NTN5: variants seen among roughly 807,000 people sequenced by gnomAD.
The protein encoded by NTN5 is netrin 5, also known as netrin-5.
In NTN5, 42 loss-of-function variants were observed where a neutral mutation model predicts 38.7. The observed-to-expected ratio is 1.08, with a 90% CI of 0.85 to 1.40. The LOEUF is 1.40. NTN5 is among the 40% of genes most tolerant of loss of function. NTN5 has a pLI of 0.00. For synonymous variants in NTN5, 329 were observed against 303.9 expected (o/e 1.08, Z -0.86); for missense variants, 658 against 716.5 (o/e 0.92, Z 0.93).
At chr19:48,662,304 C>T (rs1183534821) in intron 6 of NTN5, among the ~76,000 whole-genome samples, 1 of 149,240 alleles carries the variant, frequency 6.7e-6, no homozygotes, top group Non-Finnish European at 1.5e-5. Flanking sequence ...GGTCCAGGGT[C>T]TCTAATGCAG....
Position 48,662,027 on chromosome 19 carries a change from C to G in NTN5, c.1120G>C (p.Val374Leu), listed in dbSNP as rs1340258179. 1.3e-6 allele frequency: 2 copies of G among 1,482,284 alleles called. No homozygotes were observed. The highest frequency in any genetic ancestry group is 5.8e-5 in the East Asian group (2 of 34,764). The allele number at this position is 1,482,284 out of a possible 1,614,324, so 91.8% of individuals were successfully genotyped here. A position where few individuals can be genotyped will look rare whatever the true frequency, so the allele number is the denominator to read the frequency against. ...CQQDHVLRAQ[V>L]LASEAAGPAW... ...GGGCCCGCCGCCTCGGACGCTAGCACCTGCGCGCGGAGAACTGTGGGGAGG... is the reference window on the plus strand; with the variant it reads ...GGGCCCGCCGCCTCGGACGCTAGCAGCTGCGCGCGGAGAACTGTGGGGAGG... Residue 374 changes from valine (V) to leucine (L), a missense_variant, in exon 7 of 7, where the codon GTG (valine) becomes CTG (leucine). Transcript: ENST00000270235.
At position 48,670,697 on chromosome 19, in the gene NTN5, G is replaced by A; in HGVS notation, c.290C>T (p.Ala97Val). 3.1e-6 allele frequency: 5 copies of A among 1,611,476 alleles called. No individual in the cohort carries two copies. The highest frequency in any genetic ancestry group is 4.2e-6 in the Non-Finnish European group (5 of 1,179,324). ...CAGCAGCCTCCAGGGACCCCCTGAG[G>A]CCCAGGCAGCAGACAGGATGAGGGC... Reference protein sequence around the residue: ...PPALILSAAWASGGPWRLLWH... With the variant: ...PPALILSAAWVSGGPWRLLWH... Residue 97 changes from alanine to valine, a missense_variant, in exon 2 of 7, where the codon GCC becomes GTC. Ala to Val is a moderately conservative substitution (Grantham distance 64). Transcript: ENST00000270235.
intron 2 of NTN5, among the ~76,000 whole-genome samples, chr19:48,666,399 G>A (rs2031704557): frequency 6.6e-6 from 1 of 152,128 alleles, no homozygotes; most frequent in African/African-American, 2.4e-5. Flanking sequence ...ACAGGGCATA[G>A]TGGCCCACAC....
chr19:48,669,972 T>TCAC (rs1568452824), intron 2 of NTN5, among the ~76,000 whole-genome samples: 5 of 122,116 alleles, frequency 4.1e-5, no homozygotes, highest in South Asian at 3.3e-4. Flanking sequence ...ATCACCACCA[T>TCAC]CATCACCATC....
Position 48,664,734 on chromosome 19 carries a change from CG to C in NTN5, c.664del (p.Arg222GlyfsTer77). On this transcript the variant is annotated frameshift_variant, in exon 3 of 7. Transcript: ENST00000270235. LOFTEE classifies it high-confidence loss of function. ...CSCNQHARRCRFNSELFRLSG... is the reference protein window; with the variant it reads ...CSCNQHARRCXFNSELFRLSG... ...CAGTCTGAACAGCTCAGAGTTGAACCGGCAGCGTCGGGCGTGCTGGTTGCAG... is the reference window on the plus strand; with the variant it reads ...CAGTCTGAACAGCTCAGAGTTGAACCGCAGCGTCGGGCGTGCTGGTTGCAG... 1 of 1,585,024 alleles carries C rather than the reference CG, an allele frequency of 6.3e-7. No homozygotes were observed. Among genetic ancestry groups the C allele is most frequent in the Non-Finnish European group, 8.6e-7 (1 of 1,166,176 alleles).
At chr19:48,669,721 C>CCACCACCATCACCAT (rs2031867256) in intron 2 of NTN5, among the ~76,000 whole-genome samples, 1 of 107,036 alleles carries the variant, frequency 9.3e-6, no homozygotes, top group Non-Finnish European at 1.9e-5. Flanking sequence ...ACCATCACCA[C>CCACCACCATCACCAT]CACCACCACC....
chr19:48,667,842 CA>C, intron 2 of NTN5, among the ~76,000 whole-genome samples: 2 of 151,544 alleles, frequency 1.3e-5, no homozygotes, highest in Admixed American at 1.3e-4. Flanking sequence ...GGTGACAGAG[CA>C]AGACTCCATC....
chr19:48,664,131 C>G lies in NTN5; in HGVS notation c.970+12G>C. 6.3e-7 allele frequency: 1 copy of G among 1,599,272 alleles called. No homozygotes were observed. Among genetic ancestry groups the G allele is most frequent in the Non-Finnish European group, 8.5e-7 (1 of 1,173,438 alleles). On this transcript the variant is annotated intron_variant, in intron 4 of 6. Coordinates refer to ENST00000270235, the MANE Select transcript of NTN5 (RefSeq NM_145807.4). Reference sequence around the variant, plus strand: ...TCTACTCAGGCTTGTGGCCTGGCCCCTCAAGACTTACGCTGGCAGGGCATC... The same window carrying G: ...TCTACTCAGGCTTGTGGCCTGGCCCGTCAAGACTTACGCTGGCAGGGCATC...
chr19:48,665,845 G>C (rs1332373146), intron 2 of NTN5, among the ~76,000 whole-genome samples: 1 of 152,044 alleles, frequency 6.6e-6, no homozygotes, highest in Admixed American at 6.6e-5. Flanking sequence ...AAAAGAGTGG[G>C]CTATGGCCTG....
chr19:48,668,866 T>G (rs1235985892), intron 2 of NTN5, among the ~76,000 whole-genome samples: 1 of 152,064 alleles, frequency 6.6e-6, no homozygotes, highest in African/African-American at 2.4e-5. Flanking sequence ...AACTGTTCAA[T>G]AAATATTACC....
At chr19:48,668,175 A>T (rs1474512161) in intron 2 of NTN5, among the ~76,000 whole-genome samples, 1 of 152,024 alleles carries the variant, frequency 6.6e-6, no homozygotes, top group Non-Finnish European at 1.5e-5. Context: ...GGAGCAGCGG[A>T]TTGTTGCAGC....
chr19:48,667,647 A>G (rs879919307), intron 2 of NTN5, among the ~76,000 whole-genome samples: 1 of 152,214 alleles, frequency 6.6e-6, no homozygotes, highest in Non-Finnish European at 1.5e-5. Flanking sequence ...ACCTGAGGTC[A>G]GGAGTTTGAG....
At position 48,670,431 on chromosome 19, in the gene NTN5, AC is replaced by A. The variant is rs748588409; in HGVS notation, c.555del (p.Cys186AlafsTer113). ...CGATGGGACGGGCGGCAGCTCTCGC[AC>A]CCCGGGCCAGTGGTATGGTGGCGGC... is the stretch of plus-strand genomic sequence containing the variant. ...CHCRHHTTGP[G>X]CESCRPSHRD... On this transcript the variant is annotated frameshift_variant, in exon 2 of 7. Transcript: ENST00000270235. LOFTEE classifies it high-confidence loss of function. 36 of 1,453,998 alleles carry A rather than the reference AC, an allele frequency of 2.5e-5. No individual in the cohort carries two copies. The highest frequency in any genetic ancestry group is 3.2e-5 in the Non-Finnish European group (35 of 1,105,150). 90.1% of individuals were successfully genotyped at this position (1,453,998 alleles called of 1,614,324 possible). A position where few individuals can be genotyped will look rare whatever the true frequency, so the allele number is the denominator to read the frequency against.
chr19:48,661,587 C>T lies in NTN5; in HGVS notation c.*90G>A. 7.5e-7 allele frequency: 1 copy of T among 1,341,474 alleles called. No individual in the cohort carries two copies. Among genetic ancestry groups the T allele is most frequent in the Non-Finnish European group, 9.6e-7 (1 of 1,037,492 alleles). The allele number at this position is 1,341,474 out of a possible 1,614,324, so 83.1% of individuals were successfully genotyped here. On this transcript the variant is annotated 3_prime_UTR_variant, in exon 7 of 7. Coordinates refer to ENST00000270235, the MANE Select transcript of NTN5 (RefSeq NM_145807.4). The stretch of plus-strand genomic sequence containing the variant: ...TCGGGGCTCTGCGACGTCTGATTGG[C>T]TCTCTGCAGTGCACCGTCGAGGTAG...
chr19:48,664,931 G>C (rs2031659387), intron 2 of NTN5, among the ~76,000 whole-genome samples, 164 bp from the exon 3 acceptor site: 1 of 151,074 alleles, frequency 6.6e-6, no homozygotes, highest in Non-Finnish European at 1.5e-5. Context: ...TTTTTTTTTT[G>C]AGACGGAGAC....
In NTN5 at chr19:48,664,173, GCT is replaced by G; in HGVS notation, c.938_939del (p.Gln313ProfsTer27). ...CAGGGCATCCTGGGGGAGCGGCTCTGCTGGTAGCCAGGGCCACAGCGGTTGCA... is the reference window on the plus strand; with the variant it reads ...CAGGGCATCCTGGGGGAGCGGCTCTGGGTAGCCAGGGCCACAGCGGTTGCA... ...LTCNRCGPGY[Q>X]QSRSPRMPCQ... is the part of the protein sequence containing the mutation. On this transcript the variant is annotated frameshift_variant, in exon 4 of 7. Transcript: ENST00000270235. LOFTEE classifies it high-confidence loss of function. 6.2e-7 allele frequency: 1 copy of G among 1,608,958 alleles called. No homozygotes were observed. The highest frequency in any genetic ancestry group is 1.1e-5 in the South Asian group (1 of 90,164).
rs751402098 is a variant in NTN5, at chr19:48,663,499, G to GT, written c.1068dup (p.His357ThrfsTer154). 1.0e-4 allele frequency: 169 copies of GT among 1,614,082 alleles called. No individual in the cohort carries two copies. Among genetic ancestry groups the GT allele is most frequent in the Non-Finnish European group, 4.2e-6 (5 of 1,180,020 alleles). On this transcript the variant is annotated frameshift_variant, in exon 6 of 7. Coordinates refer to ENST00000270235, the MANE Select transcript of NTN5 (RefSeq NM_145807.4). LOFTEE classifies it low-confidence loss of function (END_TRUNC). ...TGGCAGTACCTCCGAAGGCTCATGT[G>GT]TACCCTGGTGTCCGACATATTGCAG... is the stretch of plus-strand genomic sequence containing the variant.
rs568145062 is a variant in NTN5, at chr19:48,661,969, G to A, written c.1178C>T (p.Ala393Val). ...AWQRLAVRVLAVYKQRAQPVR... is the reference protein window; with the variant it reads ...AWQRLAVRVLVVYKQRAQPVR... Reference sequence around the variant, plus strand: ...GGGCTGCGCCCGCTGCTTGTAAACGGCCAGCACGCGCACGGCCAGCCGCTG... The same window carrying A: ...GGGCTGCGCCCGCTGCTTGTAAACGACCAGCACGCGCACGGCCAGCCGCTG... Residue 393 changes from alanine to valine, a missense_variant, in exon 7 of 7, where the codon GCC (alanine) becomes GTC (valine). Physicochemically the swap from Ala to Val is moderately conservative, Grantham distance 64. Coordinates refer to ENST00000270235, the MANE Select transcript of NTN5 (RefSeq NM_145807.4). 10 of 1,467,430 alleles carry A rather than the reference G, an allele frequency of 6.8e-6. No homozygotes were observed. The highest frequency in any genetic ancestry group is 1.5e-5 in the African/African-American group (1 of 67,090). The allele number at this position is 1,467,430 out of a possible 1,614,324, so 90.9% of individuals were successfully genotyped here.
chr19:48,663,295 T>A, intron 6 of NTN5, 168 bp downstream of exon 6: 12 of 704,198 alleles, frequency 1.7e-5, no homozygotes, highest in Non-Finnish European at 2.9e-5. Flanking sequence ...CCCACTCCCC[T>A]CCCCATTTGT....
Sources: gnomAD v4.1 joint callset for allele counts (sites outside exome capture counted in the v4.1 genomes callset) on GRCh38, gnomAD v4.1.1 for gene constraint, MANE v1.5 for transcripts, NCBI Gene and HGNC (gene_info 2026-07-23, HGNC 2026-07-21) for gene names.